The following SPATA16 variants were observed in gnomAD, a reference collection of about 807,000 sequenced individuals.
SPATA16 encodes spermatogenesis-associated protein 16.
A neutral mutation model predicts 63.3 loss-of-function variants in SPATA16; 36 were observed. The observed-to-expected ratio is 0.57, with a 90% confidence interval of 0.44 to 0.75. SPATA16 has a LOEUF of 0.75. Among genes scored for constraint, SPATA16 ranks in the 30% least tolerant of loss-of-function variants. SPATA16 has a pLI of 0.00. For missense variants in SPATA16, 646 were observed against 679.3 expected, an observed-to-expected ratio of 0.95 and a Z score of 0.54; for synonymous variants, 203 against 216.7, an observed-to-expected ratio of 0.94 and a Z score of 0.56.
At chr3:172,996,334 G>A (rs1734691986) in intron 4 of SPATA16, among the ~76,000 whole-genome samples, 1 of 151,970 alleles carries the variant, frequency 6.6e-6, no homozygotes, top group Non-Finnish European at 1.5e-5. Flanking sequence ...TTCACCATAA[G>A]GTTAACAGTT....
intron 2 of SPATA16, among the ~76,000 whole-genome samples, chr3:173,071,757 G>A (rs1336350066): frequency 6.6e-6 from 1 of 152,144 alleles, no homozygotes; most frequent in Non-Finnish European, 1.5e-5. Flanking sequence ...AAACAACAGT[G>A]AGATATCATT....
intron 6 of SPATA16, among the ~76,000 whole-genome samples, chr3:172,944,273 T>C (rs1733230330): frequency 6.6e-6 from 1 of 152,208 alleles, no homozygotes; most frequent in South Asian, 2.1e-4. Flanking sequence ...TCAACATCAC[T>C]AATCATTAAG....
intron 6 of SPATA16, among the ~76,000 whole-genome samples, chr3:172,939,415 G>T (rs780655378): frequency 6.6e-6 from 1 of 152,142 alleles, no homozygotes; most frequent in Non-Finnish European, 1.5e-5. Flanking sequence ...GTCATTTGGG[G>T]CAATAGACAG....
chr3:173,034,722 T>C (rs997130297), intron 3 of SPATA16, among the ~76,000 whole-genome samples: 4 of 152,170 alleles, frequency 2.6e-5, no homozygotes, highest in Non-Finnish European at 5.9e-5. Context: ...TTATATAGTA[T>C]AGTTTGAAAG....
At chr3:172,907,209 C>T (rs546130231) in intron 10 of SPATA16, among the ~76,000 whole-genome samples, 1 of 152,306 alleles carries the variant, frequency 6.6e-6, no homozygotes, top group South Asian at 2.1e-4. Context: ...GTGACAGACA[C>T]AGGTCCCCAA....
chr3:173,101,597 C>T (rs1360113037), intron 2 of SPATA16, among the ~76,000 whole-genome samples: 1 of 152,182 alleles, frequency 6.6e-6, no homozygotes, highest in African/African-American at 2.4e-5. Flanking sequence ...GGATTATCGT[C>T]ATCTTTGCTC....
rs139696089 is a variant in SPATA16, at chr3:173,043,029, C to T, written c.758+5920G>A. Among the ~76,000 whole-genome samples the T allele has an allele frequency of 8.4e-4, 128 of 152,062 alleles. 1 individual carries two copies. Among genetic ancestry groups the T allele is most frequent in the African/African-American group, 3.0e-3 (126 of 41,502 alleles). ...CTTTTATGTTTATTGTATAGTGTAT[C>T]ATTTTTCATTTTTTTACTTTCAATG... On this transcript the variant is annotated intron_variant, in intron 3 of 10. Transcript: ENST00000351008.
intron 5 of SPATA16, among the ~76,000 whole-genome samples, chr3:172,972,148 A>G (rs987255723): frequency 6.6e-6 from 1 of 152,190 alleles, no homozygotes; most frequent in Admixed American, 6.5e-5. Context: ...TGAGATGGGA[A>G]ACATTTCAAT....
chr3:173,055,548 A>T (rs1736202543), intron 2 of SPATA16, among the ~76,000 whole-genome samples: 1 of 152,238 alleles, frequency 6.6e-6, no homozygotes, highest in Non-Finnish European at 1.5e-5. Flanking sequence ...ATATGATTAC[A>T]TGACACAATT....
In SPATA16 at chr3:172,903,609, A is replaced by G. The variant is rs533847727; in HGVS notation, c.1587+10052T>C. Among the ~76,000 whole-genome samples, 12 of 152,292 alleles carry G rather than the reference A, an allele frequency of 7.9e-5. No homozygotes were observed. The South Asian group carries it at 2.5e-3, about 32-fold the overall frequency. ...AATTCAGATTATTCACTAGAGAGTG[A>G]CCCTCAGGGCGACAGTAAGTATACT... On this transcript the variant is annotated intron_variant, in intron 10 of 10. Transcript: ENST00000351008.
intron 3 of SPATA16, among the ~76,000 whole-genome samples, chr3:173,025,508 A>G (rs1382734512): frequency 6.6e-6 from 1 of 151,948 alleles, no homozygotes; most frequent in Non-Finnish European, 1.5e-5. Flanking sequence ...TTTTAAAAGT[A>G]TATAGTTTGG....
chr3:173,062,617 A>G (rs922504400), intron 2 of SPATA16, among the ~76,000 whole-genome samples: 1 of 152,202 alleles, frequency 6.6e-6, no homozygotes, highest in East Asian at 1.9e-4. Context: ...TATGATTGAA[A>G]TTCAGGTTTG....
intron 3 of SPATA16, among the ~76,000 whole-genome samples, chr3:173,041,808 G>A (rs926971338): frequency 1.3e-5 from 2 of 151,874 alleles, no homozygotes; most frequent in Admixed American, 6.6e-5. Flanking sequence ...GCTGTTGCGG[G>A]ATGGGGGCGG....
chr3:172,970,596 T>G (rs1158125273), intron 5 of SPATA16, among the ~76,000 whole-genome samples: 1 of 152,200 alleles, frequency 6.6e-6, no homozygotes, highest in East Asian at 1.9e-4. Context: ...TTACATCTAA[T>G]CTAAATACTA....
intron 2 of SPATA16, among the ~76,000 whole-genome samples, chr3:173,084,368 T>G (rs986761116): frequency 2.0e-5 from 3 of 152,212 alleles, no homozygotes; most frequent in Admixed American, 1.3e-4. Flanking sequence ...TAGGGTTGTT[T>G]GTTTTTTTCT....
At chr3:173,052,317 C>T (rs1415925621) in intron 2 of SPATA16, among the ~76,000 whole-genome samples, 1 of 152,094 alleles carries the variant, frequency 6.6e-6, no homozygotes, top group Non-Finnish European at 1.5e-5. Context: ...TCTTAACACA[C>T]TAATGAGAAT....
chr3:172,927,406 T>G (rs1732764013), intron 6 of SPATA16, among the ~76,000 whole-genome samples: 1 of 152,228 alleles, frequency 6.6e-6, no homozygotes, highest in Admixed American at 6.5e-5. Flanking sequence ...ACAAAATGCC[T>G]TTTAAACCCA....
chr3:172,992,697 A>G (rs1194682881), intron 4 of SPATA16, among the ~76,000 whole-genome samples: 2 of 152,140 alleles, frequency 1.3e-5, no homozygotes, highest in Non-Finnish European at 2.9e-5. Flanking sequence ...CTGAGCAGCT[A>G]CTACTGCCCT....
chr3:172,946,807 A>G (rs1032487993), intron 6 of SPATA16, among the ~76,000 whole-genome samples: 3 of 152,156 alleles, frequency 2.0e-5, no homozygotes, highest in African/African-American at 7.2e-5. Flanking sequence ...GGCTGGATTC[A>G]CCACCTGCGG....
Sources: allele counts gnomAD v4.1 joint callset (sites outside exome capture counted in the v4.1 genomes callset), GRCh38; gene constraint gnomAD v4.1.1; transcripts MANE v1.5; gene names NCBI Gene and HGNC (gene_info 2026-07-23, HGNC 2026-07-21).